The following TATDN2 variants were observed in gnomAD, a reference collection of about 807,000 sequenced individuals.
TATDN2 encodes the protein 3'-5' RNA nuclease TATDN2.
In TATDN2, 44 loss-of-function variants were observed where a neutral mutation model predicts 60.3. The ratio of observed to expected loss-of-function variants is 0.73; its 90% confidence interval spans 0.57 to 0.94. The LOEUF (loss-of-function observed/expected upper bound fraction) is 0.94. Among genes scored for constraint, TATDN2 ranks in the 40% least tolerant of loss-of-function variants. TATDN2 has a pLI of 0.00. For missense variants in TATDN2, 997 were observed against 948.0 expected (o/e 1.05, Z -0.68); for synonymous variants, 399 against 355.8 (o/e 1.12, Z -1.37).
chr3:10,254,194 A>G (rs1000386754), intron 2 of TATDN2, among the ~76,000 whole-genome samples: 1 of 152,182 alleles, frequency 6.6e-6, no homozygotes, highest in South Asian at 2.1e-4. Flanking sequence ...TGCTTCACAG[A>G]CTGAGAAGTC....
At chr3:10,257,818 G>A (rs1698334024) in intron 2 of TATDN2, among the ~76,000 whole-genome samples, 1 of 119,716 alleles carries the variant, frequency 8.4e-6, no homozygotes, top group East Asian at 2.6e-4. Flanking sequence ...ATATTAACAA[G>A]TATAGATTTC....
At chr3:10,249,157 A>G in intron 1 of TATDN2, 38 bp from the exon 2 acceptor site, 1 of 1,479,294 alleles carries the variant, frequency 6.8e-7, no homozygotes, top group Non-Finnish European at 9.0e-7. Context: ...GTCGCCAGGA[A>G]GGGTGGTGTT....
chr3:10,249,284 G>C lies in TATDN2; in HGVS notation c.84G>C (p.Glu28Asp). ...CCCGCAAGCGCAGCTGCCTCCGGGA[G>C]CCCTGTGATGTGGCCCCCTCCAGCC... ...GCPRKRSCLR[E>D]PCDVAPSSRP... The change falls in exon 2 of 8, where the codon GAG becomes GAC. Residue 28 changes from glutamate to aspartate, a missense_variant. Physicochemically the swap from Glu to Asp is conservative, Grantham distance 45. Transcript: ENST00000448281. 3 of 1,598,344 alleles carry C rather than the reference G, an allele frequency of 1.9e-6. No homozygotes were observed. Among genetic ancestry groups the C allele is most frequent in the Non-Finnish European group, 2.6e-6 (3 of 1,170,250 alleles).
rs1254641950 is a variant in TATDN2 at position 10,248,516 on chromosome 3, C to T, written c.-558C>T. On this transcript the variant is annotated 5_prime_UTR_variant, in exon 1 of 8. Coordinates refer to ENST00000448281, the MANE Select transcript of TATDN2 (RefSeq NM_014760.4). ...TTCCGGAGGGCGGGCGCCACGGAGGCCGGAGTGGTCGCAGTTCGGGCGGAG... is the reference window on the plus strand; with the variant it reads ...TTCCGGAGGGCGGGCGCCACGGAGGTCGGAGTGGTCGCAGTTCGGGCGGAG... 6.6e-6 allele frequency: 1 copy of T among 152,198 alleles called. No individual in the cohort carries two copies. Among genetic ancestry groups the T allele is most frequent in the Non-Finnish European group, 1.5e-5 (1 of 68,054 alleles). The allele number at this position is 152,198 out of a possible 1,614,324, so 9.4% of individuals were successfully genotyped here. A position where few individuals can be genotyped will look rare whatever the true frequency, so the allele number is the denominator to read the frequency against.
At chr3:10,277,265 C>A (rs1330339852) in intron 5 of TATDN2, among the ~76,000 whole-genome samples, 1 of 152,212 alleles carries the variant, frequency 6.6e-6, no homozygotes, top group African/African-American at 2.4e-5. Context: ...TGCTTAAGTT[C>A]AGTTTGGTAA....
At chr3:10,258,010 G>A (rs1358202155) in intron 2 of TATDN2, among the ~76,000 whole-genome samples, 6 of 150,536 alleles carry the variant, frequency 4.0e-5, no homozygotes, top group East Asian at 2.0e-4. Flanking sequence ...ACAGGCGCCC[G>A]CCACCACGCA....
intron 2 of TATDN2, among the ~76,000 whole-genome samples, chr3:10,256,698 C>T (rs1698313295): frequency 6.6e-6 from 1 of 152,008 alleles, no homozygotes; most frequent in South Asian, 2.1e-4. Flanking sequence ...TGCAGATACT[C>T]CTCAGTTTGT....
At chr3:10,265,681 CA>C (rs60093055) in intron 3 of TATDN2, among the ~76,000 whole-genome samples, 20,654 of 63,168 alleles carry the variant, frequency 0.33, 1,111 homozygotes, top group East Asian at 0.64. Flanking sequence ...GACTCCGTCT[CA>C]AAAAAAAAAA....
At chr3:10,253,849 A>G (rs1698264755) in intron 2 of TATDN2, among the ~76,000 whole-genome samples, 1 of 152,246 alleles carries the variant, frequency 6.6e-6, no homozygotes, top group African/African-American at 2.4e-5. Flanking sequence ...AAGCTGACCA[A>G]GGCCATGCAG....
intron 3 of TATDN2, among the ~76,000 whole-genome samples, chr3:10,266,850 C>CT (rs937622842): frequency 2.6e-5 from 4 of 151,814 alleles, no homozygotes; most frequent in African/African-American, 9.7e-5. Flanking sequence ...CGTGATTACT[C>CT]TTTGCTCAGT....
In TATDN2 at chr3:10,280,431, C is replaced by G. The variant is rs1698717035; in HGVS notation, c.*1249C>G. 1 of 153,732 alleles carries G rather than the reference C, an allele frequency of 6.5e-6. No homozygotes were observed. Among genetic ancestry groups the G allele is most frequent in the African/African-American group, 2.4e-5 (1 of 41,438 alleles). The allele number at this position is 153,732 out of a possible 1,614,324, so 9.5% of individuals were successfully genotyped here. ...TACAGGCCCTAGAGGTTCTAATGGT[C>G]CAGGGTTAAGTGAGAGGAGACTGTA... On this transcript the variant is annotated 3_prime_UTR_variant, in exon 8 of 8. Transcript: ENST00000448281.
chr3:10,267,650 C>T (rs926909283), intron 3 of TATDN2, among the ~76,000 whole-genome samples: 5 of 152,258 alleles, frequency 3.3e-5, no homozygotes, highest in African/African-American at 1.2e-4. Context: ...CTTTTTGAAT[C>T]TGTGTATTGT....
chr3:10,263,181 G>A lies in TATDN2; in HGVS notation c.948+2511G>A, dbSNP rs192359669. Among the ~76,000 whole-genome samples, 61 of 151,840 alleles carry A rather than the reference G, an allele frequency of 4.0e-4. 1 individual carries two copies. The East Asian group carries it at 0.01, about 26-fold the overall frequency. On this transcript the variant is annotated intron_variant, in intron 3 of 7. Coordinates refer to ENST00000448281, the MANE Select transcript of TATDN2 (RefSeq NM_014760.4). ...CCCAAAGTGCTGGGATTACAGGTGTGAGCCACCGTGCCCAACCTGTATTTT... is the reference window on the plus strand; with the variant it reads ...CCCAAAGTGCTGGGATTACAGGTGTAAGCCACCGTGCCCAACCTGTATTTT...
At chr3:10,250,988 C>T (rs1233337152) in intron 2 of TATDN2, among the ~76,000 whole-genome samples, 7 of 152,152 alleles carry the variant, frequency 4.6e-5, no homozygotes, top group African/African-American at 1.7e-4. Context: ...TGTGCTGAAT[C>T]CCTGGCTGTC....
chr3:10,258,701 G>A (rs1280141469), intron 2 of TATDN2, among the ~76,000 whole-genome samples: 1 of 150,970 alleles, frequency 6.6e-6, no homozygotes, highest in East Asian at 2.0e-4. Context: ...AACTCCTGAT[G>A]TCAGGTGATC....
Position 10,263,385 on chromosome 3 carries a change from C to T in TATDN2, c.948+2715C>T, listed in dbSNP as rs559010126. Among the ~76,000 whole-genome samples, 25 of 152,160 alleles carry T rather than the reference C, an allele frequency of 1.6e-4. 1 individual carries two copies. In the East Asian group the frequency reaches 3.9e-3, roughly 23 times the overall value. ...CTGTACTTCGCTGATGTTTTCTTTCCGTATTTTTCTTCTCTCTTTCTCTCT... is the reference window on the plus strand; with the variant it reads ...CTGTACTTCGCTGATGTTTTCTTTCTGTATTTTTCTTCTCTCTTTCTCTCT... On this transcript the variant is annotated intron_variant, in intron 3 of 7. Transcript: ENST00000448281.
chr3:10,254,611 C>T (rs1186702303), intron 2 of TATDN2, among the ~76,000 whole-genome samples: 1 of 152,118 alleles, frequency 6.6e-6, no homozygotes, highest in Non-Finnish European at 1.5e-5. Flanking sequence ...TAAACTAAGG[C>T]TGAAGTGGTG....
At chr3:10,251,159 C>T (rs1012336922) in intron 2 of TATDN2, among the ~76,000 whole-genome samples, 4 of 152,044 alleles carry the variant, frequency 2.6e-5, no homozygotes, top group African/African-American at 7.3e-5. Flanking sequence ...TTGTGGGCCA[C>T]GCACTGTTGG....
In TATDN2 at chr3:10,261,365, C is replaced by CT. The variant is rs58599009; in HGVS notation, c.948+712dup. On this transcript the variant is annotated intron_variant, in intron 3 of 7. Transcript: ENST00000448281. ...AGGGGAAGCATTCCTCCATCTTTTT[C>CT]TTTTTTTTTTTTTTTTTGTTGTTGG... Among the ~76,000 whole-genome samples, 454 of 134,022 alleles carry CT rather than the reference C, an allele frequency of 3.4e-3. 1 individual carries two copies. The highest frequency in any genetic ancestry group is 5.2e-3 in the Non-Finnish European group (324 of 62,898). 87.9% of individuals were successfully genotyped at this position (134,022 alleles called of 152,430 possible). A position where few individuals can be genotyped will look rare whatever the true frequency, so the allele number is the denominator to read the frequency against.
Sources: gnomAD v4.1 joint callset for allele counts (sites outside exome capture counted in the v4.1 genomes callset) on GRCh38, gnomAD v4.1.1 for gene constraint, MANE v1.5 for transcripts, NCBI Gene and HGNC (gene_info 2026-07-23, HGNC 2026-07-21) for gene names.